The following KLF12 variants were observed in gnomAD, a reference collection of about 807,000 sequenced individuals.
KLF12 encodes the protein Krueppel-like factor 12.
A neutral mutation model predicts 37.8 loss-of-function variants in KLF12; 9 were observed. The observed-to-expected ratio is 0.24, with a 90% CI of 0.14 to 0.42. KLF12 has a LOEUF of 0.42. Ranked by LOEUF, KLF12 falls within the 10% of genes least tolerant of loss-of-function variation. KLF12 has a pLI of 1.00. For missense variants in KLF12, 411 were observed against 516.0 expected, an observed-to-expected ratio of 0.80 and a Z score of 1.97; for synonymous variants, 208 against 202.1, an observed-to-expected ratio of 1.03 and a Z score of -0.25.
chr13:74,124,089 G>A (rs192604139), intron 1 of KLF12, among the ~76,000 whole-genome samples: 3 of 152,206 alleles, frequency 2.0e-5, no homozygotes, highest in East Asian at 1.9e-4. Context: ...ACAAGGTAAC[G>A]GCCTCAGCCT....
the KLF12 span, among the ~76,000 whole-genome samples, chr13:74,228,816 A>T: frequency 0.037 from 4,915 of 134,572 alleles, 117 homozygotes; most frequent in Middle Eastern, 0.075. Context: ...ATTTTTCTTT[A>T]AAAAAAAAGT....
chr13:74,295,569 ATGG>A, the KLF12 span, among the ~76,000 whole-genome samples: 1 of 152,164 alleles, frequency 6.6e-6, no homozygotes, highest in Non-Finnish European at 1.5e-5. Flanking sequence ...ATTTGTGCTC[ATGG>A]CAGTTGCCCC....
At chr13:74,265,408 A>C in the KLF12 span, among the ~76,000 whole-genome samples, 2 of 152,200 alleles carry the variant, frequency 1.3e-5, no homozygotes, top group African/African-American at 4.8e-5. Flanking sequence ...GTTCCTAATA[A>C]ATTTGCATAA....
At chr13:74,213,808 C>T in the KLF12 span, among the ~76,000 whole-genome samples, 1 of 152,136 alleles carries the variant, frequency 6.6e-6, no homozygotes, top group South Asian at 2.1e-4. Context: ...TGTTCCCTTT[C>T]ACAAGCTCTC....
intron 1 of KLF12, among the ~76,000 whole-genome samples, chr13:74,107,545 T>C (rs1456428086): frequency 6.6e-6 from 1 of 152,270 alleles, no homozygotes; most frequent in Non-Finnish European, 1.5e-5. Flanking sequence ...ACCGTGTGTG[T>C]ATTTGTGCGC....
intron 3 of KLF12, among the ~76,000 whole-genome samples, chr13:73,900,058 T>C (rs1033267450): frequency 2.0e-5 from 3 of 152,152 alleles, no homozygotes; most frequent in Admixed American, 6.5e-5. Context: ...TAGTAAGTTA[T>C]AGGAAATACT....
chr13:74,098,707 C>T (rs1244624128), intron 1 of KLF12, among the ~76,000 whole-genome samples: 1 of 152,094 alleles, frequency 6.6e-6, no homozygotes, highest in African/African-American at 2.4e-5. Context: ...CAAGAAAGAA[C>T]CATTATACAA....
intron 5 of KLF12, among the ~76,000 whole-genome samples, chr13:73,803,141 C>A (rs1882369677): frequency 6.6e-6 from 1 of 152,126 alleles, no homozygotes; most frequent in East Asian, 1.9e-4. Context: ...TTTATAACAG[C>A]AAGAGAAAGC....
the KLF12 span, among the ~76,000 whole-genome samples, chr13:74,140,415 C>T: frequency 1.3e-5 from 2 of 152,044 alleles, no homozygotes; most frequent in Non-Finnish European, 2.9e-5. Flanking sequence ...ATCCCAGATA[C>T]TCAGGAGGCT....
the KLF12 span, among the ~76,000 whole-genome samples, chr13:74,181,977 C>T: frequency 6.6e-6 from 1 of 152,064 alleles, no homozygotes; most frequent in Non-Finnish European, 1.5e-5. Flanking sequence ...ATATATAGTA[C>T]GCTATAGATA....
intron 6 of KLF12, among the ~76,000 whole-genome samples, chr13:73,742,352 A>G (rs1878061750): frequency 6.6e-6 from 1 of 152,174 alleles, no homozygotes; most frequent in Non-Finnish European, 1.5e-5. Context: ...TGAGCTCAAA[A>G]TATAGAGTGT....
chr13:74,114,869 G>C (rs1303524957), intron 1 of KLF12, among the ~76,000 whole-genome samples: 1 of 152,148 alleles, frequency 6.6e-6, no homozygotes, highest in Non-Finnish European at 1.5e-5. Flanking sequence ...AAACACAGAA[G>C]AAATGCTTCT....
intron 5 of KLF12, among the ~76,000 whole-genome samples, chr13:73,810,665 A>AC (rs60744373): frequency 5.9e-5 from 9 of 151,984 alleles, no homozygotes; most frequent in East Asian, 3.9e-4. Context: ...ACACACACAC[A>AC]AATTAAATAC....
intron 6 of KLF12, among the ~76,000 whole-genome samples, chr13:73,752,818 G>C (rs181082087): frequency 6.6e-6 from 1 of 151,054 alleles, no homozygotes; most frequent in East Asian, 2.0e-4. Flanking sequence ...CCGGGTTCAA[G>C]CAATTCTCCT....
intron 1 of KLF12, among the ~76,000 whole-genome samples, chr13:74,042,518 T>A (rs1376939726): frequency 6.6e-6 from 1 of 152,172 alleles, no homozygotes; most frequent in Non-Finnish European, 1.5e-5. Context: ...TTTTAGCTTC[T>A]TTTTAGAAGC....
chr13:74,133,676 CAAAAAA>C (rs60415171), intron 1 of KLF12, among the ~76,000 whole-genome samples: 3 of 132,372 alleles, frequency 2.3e-5, no homozygotes, highest in Non-Finnish European at 3.2e-5. Context: ...TTTGGGATGG[CAAAAAA>C]AAAAAAAAAA....
At chr13:73,913,597 T>C (rs1186829479) in intron 3 of KLF12, among the ~76,000 whole-genome samples, 10 of 152,136 alleles carry the variant, frequency 6.6e-5, no homozygotes, top group Admixed American at 5.9e-4. Flanking sequence ...TCCTCTCACA[T>C]AGTGAGAAAG....
intron 6 of KLF12, among the ~76,000 whole-genome samples, chr13:73,718,269 G>A (rs767286469): frequency 6.6e-6 from 1 of 152,130 alleles, no homozygotes; most frequent in Non-Finnish European, 1.5e-5. Flanking sequence ...AGTCAATAAT[G>A]AATGTTTCTT....
intron 2 of KLF12, 37 bp downstream of exon 2, chr13:73,994,953 A>G: frequency 7.2e-7 from 1 of 1,390,488 alleles, no homozygotes; most frequent in Non-Finnish European, 1.0e-6. Context: ...CAAAGTAGCA[A>G]TATTTTCAAT....
Sources: gnomAD v4.1 joint callset for allele counts (sites outside exome capture counted in the v4.1 genomes callset) on GRCh38, gnomAD v4.1.1 for gene constraint, MANE v1.5 for transcripts, NCBI Gene and HGNC (gene_info 2026-07-23, HGNC 2026-07-21) for gene names.